The following GPR176 variants were observed in gnomAD, a reference collection of about 807,000 sequenced individuals.
GPR176 encodes G-protein coupled receptor 176.
A neutral mutation model predicts 35.4 loss-of-function variants in GPR176; 26 were observed. The ratio of observed to expected loss-of-function variants is 0.74; its 90% CI spans 0.54 to 1.02. The LOEUF (loss-of-function observed/expected upper bound fraction) is 1.02, where lower values mean the gene tolerates loss of function less well. Among genes scored for constraint, GPR176 ranks in the 50% least tolerant of loss-of-function variants. The pLI, the probability that GPR176 is intolerant of heterozygous loss-of-function variation, is 0.00. For missense variants in GPR176, 597 were observed against 665.3 expected (o/e 0.90, Z 1.13); for synonymous variants, 278 against 271.3 (o/e 1.02, Z -0.24).
At chr15:39,890,140 A>G (rs966008777) in intron 1 of GPR176, among the ~76,000 whole-genome samples, 1 of 152,136 alleles carries the variant, frequency 6.6e-6, no homozygotes, top group Admixed American at 6.5e-5. Context: ...ATCACAAACC[A>G]CTACAAATTT....
rs2033839374 is a variant in GPR176 at position 39,920,135 on chromosome 15, G to C, written c.-109C>G. On this transcript the variant is annotated 5_prime_UTR_variant, in exon 1 of 3. Coordinates refer to ENST00000561100, the MANE Select transcript of GPR176 (RefSeq NM_007223.3). ...CGCGGGCGCCTGGCGGAGTCCTGGAGAAGCCGGAGCAGCCGACGGGTCCCC... is the reference window on the plus strand; with the variant it reads ...CGCGGGCGCCTGGCGGAGTCCTGGACAAGCCGGAGCAGCCGACGGGTCCCC... 2.2e-5 allele frequency: 16 copies of C among 743,552 alleles called. No individual in the cohort carries two copies. The Admixed American group carries it at 6.1e-4, about 28-fold the overall frequency. The allele number at this position is 743,552 out of a possible 1,614,324, so 46.1% of individuals were successfully genotyped here.
chr15:39,885,898 C>T (rs1177804274), intron 1 of GPR176, among the ~76,000 whole-genome samples: 2 of 152,154 alleles, frequency 1.3e-5, no homozygotes, highest in African/African-American at 4.8e-5. Flanking sequence ...AATGCAATTT[C>T]CCTGCTTTCA....
intron 1 of GPR176, among the ~76,000 whole-genome samples, chr15:39,882,773 G>C (rs1384064436): frequency 6.6e-6 from 1 of 152,194 alleles, no homozygotes; most frequent in East Asian, 1.9e-4. Context: ...GTTCTGCAAA[G>C]AAATGGGCAG....
intron 1 of GPR176, among the ~76,000 whole-genome samples, chr15:39,825,813 G>A (rs1900602122): frequency 1.3e-5 from 2 of 152,202 alleles, no homozygotes; most frequent in Admixed American, 1.3e-4. Context: ...AAGCTTGGTG[G>A]AGACCCAGAA....
At chr15:39,901,125 T>A (rs370418456) in intron 1 of GPR176, among the ~76,000 whole-genome samples, 17 of 151,344 alleles carry the variant, frequency 1.1e-4, no homozygotes, top group East Asian at 3.9e-4. Flanking sequence ...TGGAATGATA[T>A]GAAAATGGTT....
intron 1 of GPR176, among the ~76,000 whole-genome samples, chr15:39,855,044 C>T (rs2031121993): frequency 7.1e-6 from 1 of 140,696 alleles, no homozygotes; most frequent in Admixed American, 7.5e-5. Context: ...GAGTGAGACC[C>T]TGTCTCAAAA....
intron 1 of GPR176, among the ~76,000 whole-genome samples, chr15:39,868,436 G>A (rs752461583): frequency 2.0e-5 from 3 of 152,132 alleles, no homozygotes; most frequent in Non-Finnish European, 2.9e-5. Context: ...GGGCAGAAGG[G>A]GGATCTTCTG....
At chr15:39,829,325 G>C in intron 1 of GPR176, 1 of 1,362,500 alleles carries the variant, frequency 7.3e-7, no homozygotes, top group Non-Finnish European at 9.5e-7. Context: ...AGGTCACAAA[G>C]AATGCCAAAG....
chr15:39,890,333 A>G (rs576327616), intron 1 of GPR176, among the ~76,000 whole-genome samples: 1 of 152,322 alleles, frequency 6.6e-6, no homozygotes, highest in African/African-American at 2.4e-5. Flanking sequence ...GCAGGTCACT[A>G]TAGAAGAGAT....
chr15:39,848,141 G>A (rs574740206), intron 1 of GPR176, among the ~76,000 whole-genome samples: 1 of 152,184 alleles, frequency 6.6e-6, no homozygotes, highest in East Asian at 1.9e-4. Flanking sequence ...CAACACTGGG[G>A]ATTACAATTC....
At chr15:39,893,314 C>T (rs1310260028) in intron 1 of GPR176, among the ~76,000 whole-genome samples, 1 of 151,958 alleles carries the variant, frequency 6.6e-6, no homozygotes, top group Non-Finnish European at 1.5e-5. Flanking sequence ...TCTTAACGAG[C>T]ATGCTGCCTT....
At chr15:39,803,355 C>G (rs546330849) in intron 2 of GPR176, among the ~76,000 whole-genome samples, 1 of 144,252 alleles carries the variant, frequency 6.9e-6, no homozygotes, top group African/African-American at 2.5e-5. Context: ...TCTAGGCTCA[C>G]TGCAACCTTC....
At chr15:39,893,736 A>AC (rs1183139733) in intron 1 of GPR176, among the ~76,000 whole-genome samples, 29 of 128,068 alleles carry the variant, frequency 2.3e-4, no homozygotes, top group East Asian at 6.9e-4. Context: ...CGGGGGGCTG[A>AC]CCCCCCCACC....
chr15:39,824,156 C>G (rs1189488194), intron 1 of GPR176, among the ~76,000 whole-genome samples: 1 of 152,196 alleles, frequency 6.6e-6, no homozygotes, highest in Non-Finnish European at 1.5e-5. Flanking sequence ...TGTGTCTCGC[C>G]ATGTGACATG....
At chr15:39,871,211 G>A (rs748539280) in intron 1 of GPR176, among the ~76,000 whole-genome samples, 3 of 152,200 alleles carry the variant, frequency 2.0e-5, no homozygotes, top group Non-Finnish European at 2.9e-5. Flanking sequence ...TTTAGAGTAC[G>A]TGTGCATTTA....
intron 1 of GPR176, among the ~76,000 whole-genome samples, chr15:39,899,128 C>G (rs1356186696): frequency 6.6e-6 from 1 of 152,160 alleles, no homozygotes; most frequent in Non-Finnish European, 1.5e-5. Flanking sequence ...AATGCAGAAT[C>G]CTGGACTCCA....
At chr15:39,916,471 T>G (rs568588135) in intron 1 of GPR176, among the ~76,000 whole-genome samples, 3 of 152,298 alleles carry the variant, frequency 2.0e-5, no homozygotes, top group African/African-American at 7.2e-5. Flanking sequence ...GGTTGGAATA[T>G]TACAGTTATT....
At chr15:39,842,631 A>C (rs2030091104) in intron 1 of GPR176, among the ~76,000 whole-genome samples, 1 of 152,100 alleles carries the variant, frequency 6.6e-6, no homozygotes, top group South Asian at 2.1e-4. Flanking sequence ...AAAGAGACAC[A>C]GTGAAAAGAC....
At chr15:39,867,385 G>A (rs1350562070) in intron 1 of GPR176, among the ~76,000 whole-genome samples, 1 of 152,162 alleles carries the variant, frequency 6.6e-6, no homozygotes, top group African/African-American at 2.4e-5. Flanking sequence ...ATAAGAATAA[G>A]TTAGGCAGAG....
Sources: gnomAD v4.1 joint callset for allele counts (sites outside exome capture counted in the v4.1 genomes callset) on GRCh38, gnomAD v4.1.1 for gene constraint, MANE v1.5 for transcripts, NCBI Gene and HGNC (gene_info 2026-07-23, HGNC 2026-07-21) for gene names.